MMEL1: variants seen among roughly 807,000 people sequenced by gnomAD.
MMEL1 encodes membrane metalloendopeptidase like 1.
Under a neutral mutation model 117.1 loss-of-function variants are expected in MMEL1, and 98 were observed. The ratio of observed to expected loss-of-function variants is 0.84; its 90% CI spans 0.71 to 0.99. The LOEUF (loss-of-function observed/expected upper bound fraction) is 0.99, where lower values mean the gene tolerates loss of function less well. Among genes scored for constraint, MMEL1 ranks in the 50% least tolerant of loss-of-function variants. MMEL1 has a pLI of 0.00. For synonymous variants in MMEL1, 390 were observed against 415.1 expected (o/e 0.94, Z 0.74); for missense variants, 1,014 against 1,049.1 (o/e 0.97, Z 0.46).
At position 2,591,729 on chromosome 1, in the gene MMEL1, G is replaced by C; in HGVS notation, c.2164-96C>G. The C allele has an allele frequency of 3.4e-6, 4 of 1,180,278 alleles. No individual in the cohort carries two copies. In the South Asian group the frequency reaches 4.9e-5, roughly 14 times the overall value. 73.1% of individuals were successfully genotyped at this position (1,180,278 alleles called of 1,614,324 possible). On this transcript the variant is annotated intron_variant, in intron 22 of 23. Coordinates refer to ENST00000378412, the MANE Select transcript of MMEL1 (RefSeq NM_033467.4). ...CACTATCCCCAGGCTGCCCCTTCTA[G>C]GGTGGGGTGAGGGGAGTCAGCAGGT...
At position 2,592,855 on chromosome 1, in the gene MMEL1, C is replaced by G; in HGVS notation, c.1979G>C (p.Trp660Ser). The part of the protein sequence containing the change: ...CMIYQYGNYS[W>S]DLADEQNVNG... ...CACGTTCTGTTCGTCTGCCAGGTCC[C>G]AGGAGTAGTTGCCGTACTGGTAGAT... The change falls in exon 20 of 24, where the codon TGG becomes TCG. Residue 660 changes from tryptophan (W) to serine (S), a missense_variant. Physicochemically the swap from Trp to Ser is radical, Grantham distance 177. Transcript: ENST00000378412. 1 of 1,613,736 alleles carries G rather than the reference C, an allele frequency of 6.2e-7. No homozygotes were observed.
Position 2,590,986 on chromosome 1 carries a change from T to A in MMEL1, c.*4A>T. ...GTGGGCCGCACAGCGCGGCAGGGCC[T>A]TGGCTACCACACGCGGCATCGCTCC... On this transcript the variant is annotated 3_prime_UTR_variant, in exon 24 of 24. Coordinates refer to ENST00000378412, the MANE Select transcript of MMEL1 (RefSeq NM_033467.4). 6.3e-7 allele frequency: 1 copy of A among 1,577,518 alleles called. No individual in the cohort carries two copies. Among genetic ancestry groups the A allele is most frequent in the Non-Finnish European group, 8.6e-7 (1 of 1,163,068 alleles).
rs537491579 is a variant in MMEL1, at chr1:2,592,842, G to A, written c.1992C>T (p.Asp664=). The A allele has an allele frequency of 5.4e-5, 87 of 1,613,534 alleles. No homozygotes were observed. Among genetic ancestry groups the A allele is most frequent in the Middle Eastern group, 4.9e-4 (3 of 6,062 alleles). ...QYGNYSWDLA[D]EQNVNGFNTL... is the part of the protein sequence containing the mutation. ...TGGTGGCAGCGCTCACGTTCTGTTC[G>A]TCTGCCAGGTCCCAGGAGTAGTTGC... is the stretch of plus-strand genomic sequence containing the variant. Residue 664 remains aspartate, a synonymous_variant, in exon 20 of 24, where the codon GAC becomes GAT. Transcript: ENST00000378412.
intron 11 of MMEL1, among the ~76,000 whole-genome samples, chr1:2,603,193 A>T (rs1267726238): frequency 6.6e-6 from 1 of 152,166 alleles, no homozygotes; most frequent in African/African-American, 2.4e-5. Flanking sequence ...ACACTCAGGG[A>T]CATACTCTGG....
intron 9 of MMEL1, among the ~76,000 whole-genome samples, chr1:2,604,773 G>A (rs1019554259): frequency 2.0e-5 from 3 of 152,164 alleles, no homozygotes; most frequent in South Asian, 4.1e-4. Context: ...GCTGGGCAGG[G>A]CTTCCCCAGT....
intron 2 of MMEL1, among the ~76,000 whole-genome samples, chr1:2,616,554 A>T (rs1339242585): frequency 6.6e-6 from 1 of 152,178 alleles, no homozygotes. Context: ...AAATAAAGAC[A>T]TTTTAGACCA....
rs926458056 is a variant in MMEL1 at position 2,593,294 on chromosome 1, C to T, written c.1868-328G>A. Reference sequence around the variant, plus strand: ...GGATGCCCAAACTCTAAGTTCCAGGCGAGAGGAGTACGTGGTCCCTGGGGA... The same window carrying T: ...GGATGCCCAAACTCTAAGTTCCAGGTGAGAGGAGTACGTGGTCCCTGGGGA... On this transcript the variant is annotated intron_variant, in intron 19 of 23. Coordinates refer to ENST00000378412, the MANE Select transcript of MMEL1 (RefSeq NM_033467.4). Among the ~76,000 whole-genome samples, 9 of 152,188 alleles carry T rather than the reference C, an allele frequency of 5.9e-5. 1 individual carries two copies. Among genetic ancestry groups the T allele is most frequent in the Admixed American group, 4.6e-4 (7 of 15,286 alleles).
rs1045756645 is a variant in MMEL1, at chr1:2,629,327, T to C, written c.154+4A>G. ...ACAGGCGGGGGCGGGGCACCCGCAC[T>C]CACCTCTGCGGTCGGCGTAGAGGAC... On this transcript the variant is annotated splice_donor_region_variant and intron_variant, in intron 2 of 23. Coordinates refer to ENST00000378412, the MANE Select transcript of MMEL1 (RefSeq NM_033467.4). The C allele has an allele frequency of 2.0e-6, 3 of 1,531,588 alleles. No individual in the cohort carries two copies. The highest frequency in any genetic ancestry group is 2.6e-6 in the Non-Finnish European group (3 of 1,141,634). 94.9% of individuals were successfully genotyped at this position (1,531,588 alleles called of 1,614,324 possible).
At chr1:2,592,155 C>T in intron 21 of MMEL1, 128 bp from the exon 22 acceptor site, 2 of 707,194 alleles carry the variant, frequency 2.8e-6, no homozygotes, top group Non-Finnish European at 4.8e-6. Context: ...CTGCAAGGGC[C>T]CTTCACACAC....
In MMEL1 at chr1:2,629,445, C is replaced by T. The variant is rs1421142731; in HGVS notation, c.40G>A (p.Ala14Thr). 2 of 1,540,368 alleles carry T rather than the reference C, an allele frequency of 1.3e-6. No homozygotes were observed. Among genetic ancestry groups the T allele is most frequent in the African/African-American group, 1.4e-5 (1 of 72,578 alleles). ...GGGCGCTTCTGCCCTGCACGGCCGG[C>T]GCTCTCCACCATCCCCACTGGGCCT... ...SEGPVGMVES[A>T]GRAGQKRPGF... Residue 14 changes from alanine (A) to threonine (T), a missense_variant, in exon 2 of 24, where the codon GCC (alanine) becomes ACC (threonine). Physicochemically the swap from Ala to Thr is moderately conservative, Grantham distance 58. Coordinates refer to ENST00000378412, the MANE Select transcript of MMEL1 (RefSeq NM_033467.4).
intron 2 of MMEL1, among the ~76,000 whole-genome samples, chr1:2,628,501 G>A (rs1187905023): frequency 6.6e-6 from 1 of 152,160 alleles, no homozygotes; most frequent in African/African-American, 2.4e-5. Context: ...CGGTGGGAGC[G>A]CCCTACGCAC....
intron 18 of MMEL1, 132 bp from the exon 19 acceptor site, chr1:2,594,065 C>T (rs1644790381): frequency 8.1e-7 from 1 of 1,234,960 alleles, no homozygotes; most frequent in Non-Finnish European, 1.1e-6. Flanking sequence ...AGGATTCCCT[C>T]AATTTACAGA....
intron 11 of MMEL1, among the ~76,000 whole-genome samples, chr1:2,601,231 T>C (rs769101936): frequency 6.6e-5 from 10 of 152,108 alleles, no homozygotes; most frequent in Non-Finnish European, 1.5e-4. Flanking sequence ...GTGATGGTGG[T>C]AGGGGTTATC....
chr1:2,605,771 G>A (rs770842698), intron 8 of MMEL1, 148 bp from the exon 9 acceptor site: 18 of 620,372 alleles, frequency 2.9e-5, no homozygotes, highest in Non-Finnish European at 4.3e-5. Context: ...TGCCGGACCC[G>A]GGAGGCCAGA....
intron 2 of MMEL1, among the ~76,000 whole-genome samples, chr1:2,620,774 TAATGAAAAAAAA>T (rs1417743616): frequency 4.0e-5 from 1 of 24,740 alleles, no homozygotes; most frequent in African/African-American, 9.2e-5. Flanking sequence ...AACAATAAAA[TAATGAAAAAAAA>T]AAAGCATGGG....
chr1:2,596,085 A>G lies in MMEL1; in HGVS notation c.1424T>C (p.Val475Ala). ...KSMVRELIDK[V>A]RTVFVETLDE... ...CAGCGTCTCCACAAACACTGTCCGC[A>G]CCTTGTCAATGAGTTCTCTGACCTG... Residue 475 changes from valine to alanine, a missense_variant, in exon 15 of 24, where the codon GTG (valine) becomes GCG (alanine). Transcript: ENST00000378412. 6.2e-7 allele frequency: 1 copy of G among 1,613,788 alleles called. No homozygotes were observed. The highest frequency in any genetic ancestry group is 8.5e-7 in the Non-Finnish European group (1 of 1,179,868).
intron 4 of MMEL1, among the ~76,000 whole-genome samples, chr1:2,611,006 A>G (rs1416828830): frequency 1.3e-5 from 2 of 152,256 alleles, no homozygotes; most frequent in South Asian, 4.1e-4. Context: ...TTCTTTCTAT[A>G]AATGTGGACA....
chr1:2,619,655 C>CA (rs58007311), intron 2 of MMEL1, among the ~76,000 whole-genome samples: 61 of 119,774 alleles, frequency 5.1e-4, no homozygotes, highest in South Asian at 1.3e-3. Flanking sequence ...GAGACTCTAT[C>CA]AAAAAAAAAA....
chr1:2,607,146 G>T (rs981074316), intron 6 of MMEL1, 77 bp from the exon 7 acceptor site: 2 of 1,308,424 alleles, frequency 1.5e-6, no homozygotes, highest in Non-Finnish European at 2.2e-6. Context: ...TGGGGGCGCC[G>T]TTGGCCGGCG....
Sources: gnomAD v4.1 joint callset for allele counts (sites outside exome capture counted in the v4.1 genomes callset) on GRCh38, gnomAD v4.1.1 for gene constraint, MANE v1.5 for transcripts, NCBI Gene and HGNC (gene_info 2026-07-23, HGNC 2026-07-21) for gene names.